The following ADK variants were observed in gnomAD, a reference collection of about 807,000 sequenced individuals.
The protein encoded by ADK is adenosine kinase.
A neutral mutation model predicts 44.7 loss-of-function variants in ADK; 24 were observed. That is an observed-to-expected ratio of 0.54 (90% CI 0.39 to 0.76). ADK has a LOEUF of 0.76. Ranked by LOEUF, ADK falls within the 30% of genes least tolerant of loss-of-function variation. ADK has a pLI of 0.00. For synonymous variants in ADK, 128 were observed against 142.6 expected (o/e 0.90, Z 0.73); for missense variants, 321 against 425.1 (o/e 0.76, Z 2.15).
chr10:74,569,151 C>T (rs1176540997), intron 7 of ADK, among the ~76,000 whole-genome samples: 1 of 152,064 alleles, frequency 6.6e-6, no homozygotes, highest in African/African-American at 2.4e-5. Context: ...GTACATGTGC[C>T]ACGTTTTCTT....
intron 6 of ADK, among the ~76,000 whole-genome samples, chr10:74,440,636 A>G (rs916450768): frequency 6.6e-6 from 1 of 152,184 alleles, no homozygotes; most frequent in Non-Finnish European, 1.5e-5. Flanking sequence ...TAAAACTTAG[A>G]TCATCTAAAC....
At chr10:74,384,792 G>A (rs1390683897) in intron 4 of ADK, among the ~76,000 whole-genome samples, 2 of 152,166 alleles carry the variant, frequency 1.3e-5, no homozygotes, top group African/African-American at 4.8e-5. Flanking sequence ...ACAGAATGAA[G>A]TATTCAGTGT....
intron 6 of ADK, among the ~76,000 whole-genome samples, chr10:74,422,491 T>C (rs1441225716): frequency 6.6e-6 from 1 of 152,198 alleles, no homozygotes; most frequent in African/African-American, 2.4e-5. Flanking sequence ...TCCACCAACA[T>C]TGGTTTCTTG....
At chr10:74,620,582 G>A (rs1007879676) in intron 9 of ADK, among the ~76,000 whole-genome samples, 40 of 152,180 alleles carry the variant, frequency 2.6e-4, no homozygotes, top group African/African-American at 7.5e-4. Context: ...TAAACATGGG[G>A]GTGCAAATGT....
chr10:74,489,909 G>A (rs1847415797), intron 6 of ADK, among the ~76,000 whole-genome samples: 1 of 151,938 alleles, frequency 6.6e-6, no homozygotes, highest in African/African-American at 2.4e-5. Flanking sequence ...AATTGGATTT[G>A]CAATGCTCTC....
chr10:74,414,880 CTT>C (rs1295518292), intron 6 of ADK, among the ~76,000 whole-genome samples: 1 of 152,098 alleles, frequency 6.6e-6, no homozygotes, highest in Non-Finnish European at 1.5e-5. Context: ...AGAATGTACT[CTT>C]TTATTCCTGT....
intron 6 of ADK, among the ~76,000 whole-genome samples, chr10:74,469,802 A>G (rs1846495608): frequency 6.6e-6 from 1 of 152,128 alleles, no homozygotes; most frequent in Non-Finnish European, 1.5e-5. Flanking sequence ...CCCCCTTCAT[A>G]CAGCCCCAGG....
chr10:74,319,278 G>C (rs1379216772), intron 4 of ADK, among the ~76,000 whole-genome samples: 1 of 152,144 alleles, frequency 6.6e-6, no homozygotes, highest in African/African-American at 2.4e-5. Context: ...AGACTAGGTG[G>C]CTTAAACAAC....
chr10:74,248,386 A>G (rs1244679833), intron 3 of ADK, among the ~76,000 whole-genome samples: 3 of 151,732 alleles, frequency 2.0e-5, no homozygotes, highest in Admixed American at 6.6e-5. Flanking sequence ...TTTGAGGTGG[A>G]GTCTCGCTTG....
At chr10:74,171,335 C>T (rs1842154612) in intron 1 of ADK, among the ~76,000 whole-genome samples, 2 of 152,176 alleles carry the variant, frequency 1.3e-5, no homozygotes, top group South Asian at 4.1e-4. Context: ...CTAATTTATA[C>T]TCCCATTAAT....
intron 9 of ADK, among the ~76,000 whole-genome samples, chr10:74,659,811 T>C (rs1445526695): frequency 6.6e-6 from 1 of 152,166 alleles, no homozygotes; most frequent in Non-Finnish European, 1.5e-5. Context: ...CATGTTTTTC[T>C]GCCTGCTTTA....
intron 1 of ADK, among the ~76,000 whole-genome samples, chr10:74,194,767 T>G (rs889909149): frequency 6.6e-6 from 1 of 152,166 alleles, no homozygotes. Context: ...ATGGGGCTAG[T>G]TGACGTAGAG....
rs182311730 is a variant in ADK at position 74,536,348 on chromosome 10, C to G, written c.726+10922C>G. Among the ~76,000 whole-genome samples the G allele has an allele frequency of 5.1e-4, 78 of 151,794 alleles. 1 individual carries two copies. In the East Asian group the frequency reaches 0.014, roughly 26 times the overall value. ...AATGATATTTCTCTCCAAAAAATAC[C>G]TGAAAATATTTGGTTAGACACGTGC... On this transcript the variant is annotated intron_variant, in intron 7 of 10. Transcript: ENST00000539909.
At chr10:74,365,074 A>T (rs937775288) in intron 4 of ADK, among the ~76,000 whole-genome samples, 1 of 152,232 alleles carries the variant, frequency 6.6e-6, no homozygotes, top group Non-Finnish European at 1.5e-5. Flanking sequence ...ATTAATGTTA[A>T]CATTTAGGTT....
At chr10:74,701,929 G>A (rs1464705796) in intron 10 of ADK, among the ~76,000 whole-genome samples, 1 of 152,052 alleles carries the variant, frequency 6.6e-6, no homozygotes, top group Non-Finnish European at 1.5e-5. Flanking sequence ...CGGTGACAGA[G>A]CAAGACTCCA....
chr10:74,625,291 G>A (rs1444597984), intron 9 of ADK, among the ~76,000 whole-genome samples: 1 of 152,122 alleles, frequency 6.6e-6, no homozygotes, highest in Non-Finnish European at 1.5e-5. Flanking sequence ...GATTACAAAG[G>A]TATTCAAAGT....
intron 3 of ADK, among the ~76,000 whole-genome samples, chr10:74,285,804 G>A (rs902069761): frequency 3.9e-5 from 6 of 152,188 alleles, no homozygotes; most frequent in Non-Finnish European, 5.9e-5. Context: ...AGGTTATCTG[G>A]TAGGTGCAAT....
chr10:74,191,089 C>G (rs994452498), intron 1 of ADK, among the ~76,000 whole-genome samples: 5 of 151,456 alleles, frequency 3.3e-5, no homozygotes, highest in Non-Finnish European at 7.4e-5. Flanking sequence ...CAAACGATTC[C>G]CCTGCTTCAG....
At chr10:74,614,066 A>G (rs1027787302) in intron 9 of ADK, among the ~76,000 whole-genome samples, 2 of 152,196 alleles carry the variant, frequency 1.3e-5, no homozygotes, top group African/African-American at 2.4e-5. Context: ...TTGTAATCAC[A>G]AAAGATAAAC....
Sources: gnomAD v4.1 joint callset for allele counts (sites outside exome capture counted in the v4.1 genomes callset) on GRCh38, gnomAD v4.1.1 for gene constraint, MANE v1.5 for transcripts, NCBI Gene and HGNC (gene_info 2026-07-23, HGNC 2026-07-21) for gene names.